Variants in TRPM5 observed in about 807,000 individuals in gnomAD.
TRPM5 encodes the protein MLSN1 and TRP-related.
A neutral mutation model predicts 124.9 loss-of-function variants in TRPM5; 121 were observed. That is an observed-to-expected ratio of 0.97 (90% CI 0.84 to 1.13). TRPM5 has a LOEUF of 1.13. Ranked by LOEUF, TRPM5 falls within the 50% of genes most tolerant of loss-of-function variation. The pLI is 0.00. For synonymous variants in TRPM5, 781 were observed against 700.5 expected (o/e 1.11, Z -1.81); for missense variants, 1,643 against 1,589.1 (o/e 1.03, Z -0.58).
chr11:2,418,802 C>G (rs907687456), intron 4 of TRPM5, among the ~76,000 whole-genome samples: 3 of 152,216 alleles, frequency 2.0e-5, no homozygotes, highest in East Asian at 3.9e-4. Flanking sequence ...CTACCCAGCA[C>G]GCGCACTTTG....
chr11:2,426,579 G>A (rs954477269), upstream of TRPM5, among the ~76,000 whole-genome samples: 6 of 152,080 alleles, frequency 3.9e-5, no homozygotes, highest in African/African-American at 1.4e-4. Context: ...CCAGGGCAGC[G>A]GGGCACCTGT....
At chr11:2,430,473 T>C in the TRPM5 span, among the ~76,000 whole-genome samples, 2 of 150,230 alleles carry the variant, frequency 1.3e-5, no homozygotes, top group Non-Finnish European at 3.0e-5. Context: ...GTGGTGGTGG[T>C]GGCTGGTTGT....
At chr11:2,407,562 AG>A in intron 19 of TRPM5, among the ~76,000 whole-genome samples, 196 bp downstream of exon 24, 1 of 152,286 alleles carries the variant, frequency 6.6e-6, no homozygotes, top group East Asian at 1.9e-4. Context: ...TGGGACTGGG[AG>A]GGTGGCCCAC....
At position 2,407,879 on chromosome 11, in the gene TRPM5, A is replaced by G. The variant is rs775135124; in HGVS notation, c.2816T>C (p.Leu939Pro). 161 of 1,613,920 alleles carry G rather than the reference A, an allele frequency of 1.0e-4. 3 individuals carry two copies. In the South Asian group the frequency reaches 1.7e-3, roughly 17 times the overall value. ...GGGGCAGGATGGTGAGTCCTCCAGC[A>G]GCAGTGGGTGGGTGGAGCAGTTCAC... The change falls in exon 19 of 24, where the codon CTG (leucine) becomes CCG (proline). Residue 939 changes from leucine to proline, a missense_variant. Leu to Pro is a moderately conservative substitution (Grantham distance 98). Coordinates refer to ENST00000155858, the Ensembl canonical transcript of TRPM5.
downstream of TRPM5, among the ~76,000 whole-genome samples, chr11:2,404,349 C>CT (rs1850270660): frequency 6.6e-6 from 1 of 152,138 alleles, no homozygotes; most frequent in Non-Finnish European, 1.5e-5. Context: ...CCAGCAGGGG[C>CT]TTTGTCTTGG....
exon 24 of TRPM5, chr11:2,404,682 C>G (rs936935783): frequency 1.9e-6 from 1 of 517,308 alleles, no homozygotes; most frequent in African/African-American, 1.9e-5. Flanking sequence ...TGCGGTGGGG[C>G]ACGTTTTCTG....
At position 2,415,336 on chromosome 11, in the gene TRPM5, C is replaced by T. The variant is rs762693315; in HGVS notation, c.1264G>A (p.Val422Met). 7 of 1,585,460 alleles carry T rather than the reference C, an allele frequency of 4.4e-6. No individual in the cohort carries two copies. In the East Asian group the frequency reaches 6.8e-5, roughly 15 times the overall value. ...TCGAAGAGCAGGCTCTTGCGTGACA[C>T]GGAGCGGTAGAGCTCCTGCAGCCGC... Residue 422 changes from valine to methionine, a missense_variant, in exon 9 of 24, where the codon GTG (valine) becomes ATG (methionine). Physicochemically the swap from Val to Met is conservative, Grantham distance 21. Transcript: ENST00000155858.
intron 18 of TRPM5, chr11:2,410,577 G>C (rs375635632): frequency 7.7e-5 from 31 of 405,174 alleles, no homozygotes; most frequent in Non-Finnish European, 1.4e-4. Flanking sequence ...CATCCCAGGG[G>C]CCTGCACAGG....
At chr11:2,421,699 C>T (rs1170144534) in intron 2 of TRPM5, among the ~76,000 whole-genome samples, 1 of 152,218 alleles carries the variant, frequency 6.6e-6, no homozygotes, top group Non-Finnish European at 1.5e-5. Context: ...AGCCATTGGA[C>T]TCTGGCCCCT....
At chr11:2,411,577 G>T in intron 17 of TRPM5, 51 bp from the exon 23 acceptor site, 9 of 1,608,992 alleles carry the variant, frequency 5.6e-6, no homozygotes, top group Non-Finnish European at 6.8e-6. Flanking sequence ...GCCGGGTGGG[G>T]CCCAGGCAGG....
At chr11:2,405,238 C>T (rs553033196) in intron 23 of TRPM5, among the ~76,000 whole-genome samples, 195 bp from the exon 29 acceptor site, 1 of 152,322 alleles carries the variant, frequency 6.6e-6, no homozygotes, top group South Asian at 2.1e-4. Context: ...AGGAAAGCAG[C>T]CCCCTTGAGG....
chr11:2,407,414 A>G, intron 19 of TRPM5, 114 bp from the exon 25 acceptor site: 1 of 1,062,462 alleles, frequency 9.4e-7, no homozygotes, highest in Non-Finnish European at 1.4e-6. Flanking sequence ...GAGGCCCAGC[A>G]CTGCTTCTGC....
chr11:2,416,306 TG>T (rs1845676363), intron 7 of TRPM5, among the ~76,000 whole-genome samples: 1 of 152,136 alleles, frequency 6.6e-6, no homozygotes, highest in Non-Finnish European at 1.5e-5. Context: ...AGCTAACACC[TG>T]GGCCTCGAGG....
chr11:2,417,279 G>A (rs953554332), intron 7 of TRPM5, among the ~76,000 whole-genome samples: 27 of 152,242 alleles, frequency 1.8e-4, no homozygotes, highest in Middle Eastern at 3.4e-3. Context: ...GTGAAACCCC[G>A]TCTCTACTAA....
At chr11:2,422,293 G>C (rs200361945) in exon 2 of TRPM5, 34 of 1,612,010 alleles carry the variant, frequency 2.1e-5, no homozygotes, top group Non-Finnish European at 2.9e-5. Flanking sequence ...GAGCACAGAC[G>C]GGGCCACTCC....
chr11:2,406,986 C>A, intron 20 of TRPM5, 133 bp downstream of exon 25: 1 of 1,326,722 alleles, frequency 7.5e-7, no homozygotes, highest in Non-Finnish European at 1.0e-6. Flanking sequence ...CCAGCCTGCA[C>A]AGAGCCCAGC....
At chr11:2,435,114 T>G in the TRPM5 span, among the ~76,000 whole-genome samples, 13 of 152,068 alleles carry the variant, frequency 8.5e-5, no homozygotes, top group Admixed American at 2.0e-4. The surrounding 1 kb of genome is among the most constrained non-coding windows in gnomAD (Gnocchi z 4.1). Flanking sequence ...GAGAGATTTA[T>G]TGAGCGACTT....
chr11:2,418,883 G>A (rs1174553344), intron 4 of TRPM5, among the ~76,000 whole-genome samples: 1 of 152,196 alleles, frequency 6.6e-6, no homozygotes, highest in Non-Finnish European at 1.5e-5. Flanking sequence ...AGCCCTACAG[G>A]TGCACTGCCA....
chr11:2,433,541 C>T, the TRPM5 span, among the ~76,000 whole-genome samples: 119 of 152,078 alleles, frequency 7.8e-4, 1 homozygote, highest in East Asian at 0.023. Flanking sequence ...GTGTGTGGAG[C>T]GGGCACTGGG....
Sources: allele counts gnomAD v4.1 joint callset (sites outside exome capture counted in the v4.1 genomes callset), GRCh38; gene constraint gnomAD v4.1.1; non-coding constraint Gnocchi (gnomAD v3.1); transcripts MANE v1.5; gene names NCBI Gene and HGNC (gene_info 2026-07-23, HGNC 2026-07-21).